TANC2: variants seen among roughly 807,000 people sequenced by gnomAD.
TANC2 encodes protein TANC2.
A neutral mutation model predicts 210.5 loss-of-function variants in TANC2; 26 were observed. The observed-to-expected ratio is 0.12, with a 90% CI of 0.09 to 0.17. TANC2 has a LOEUF of 0.17. Among genes scored for constraint, TANC2 ranks in the 10% least tolerant of loss-of-function variants. The probability of loss-of-function intolerance (pLI) is 1.00; values close to 1 mark genes in which losing one functional copy is unlikely to be tolerated. For synonymous variants in TANC2, 931 were observed against 967.1 expected (o/e 0.96, Z 0.69); for missense variants, 2,129 against 2,608.9 (o/e 0.82, Z 4.01).
At chr17:63,403,481 T>A (rs1432001885) in intron 19 of TANC2, among the ~76,000 whole-genome samples, 1 of 152,188 alleles carries the variant, frequency 6.6e-6, no homozygotes, top group African/African-American at 2.4e-5. Flanking sequence ...CAATTTGTTT[T>A]CTAACCTTTT....
At chr17:62,977,477 C>T (rs2032071796) in intron 1 of TANC2, among the ~76,000 whole-genome samples, 1 of 152,136 alleles carries the variant, frequency 6.6e-6, no homozygotes, top group Admixed American at 6.5e-5. Flanking sequence ...TTTAAAATAA[C>T]TTCATATAAT....
At chr17:63,151,770 A>G (rs958790511) in intron 5 of TANC2, 1 of 152,180 alleles carries the variant, frequency 6.6e-6, no homozygotes, top group African/African-American at 2.4e-5. Context: ...GTTCTATGCA[A>G]CACTTTTGCA....
chr17:63,420,637 G>A lies in TANC2; in HGVS notation c.4907G>A (p.Ser1636Asn). 6.2e-7 allele frequency: 1 copy of A among 1,613,922 alleles called. No individual in the cohort carries two copies. The highest frequency in any genetic ancestry group is 8.5e-7 in the Non-Finnish European group (1 of 1,179,860). ...GCCAGCCCTCCAGCTGAAAGTATGA[G>A]TGTCTATAGATCCCAGTCTGGTTCA... is the stretch of plus-strand genomic sequence containing the variant. The change falls in exon 28 of 28, where the codon AGT (serine) becomes AAT (asparagine). Residue 1636 changes from serine (S) to asparagine (N), a missense_variant. Ser to Asn is a conservative substitution (Grantham distance 46). Around this residue, in one of 5 missense-constraint regions of TANC2, gnomAD observed 584 missense variants for 627.3 expected, o/e 0.93. Coordinates refer to ENST00000689528, the Ensembl canonical transcript of TANC2. The surrounding 1 kb of genome is among the most constrained non-coding windows in gnomAD (Gnocchi z 4.2).
At chr17:63,374,640 A>G (rs1390642977) in intron 14 of TANC2, among the ~76,000 whole-genome samples, 1 of 152,190 alleles carries the variant, frequency 6.6e-6, no homozygotes, top group Non-Finnish European at 1.5e-5. Context: ...TGATGAACTA[A>G]ACAGGAAAGA....
chr17:63,277,830 A>T (rs865960068), intron 9 of TANC2, among the ~76,000 whole-genome samples: 1 of 152,028 alleles, frequency 6.6e-6, no homozygotes, highest in Non-Finnish European at 1.5e-5. Context: ...AATTATTTCT[A>T]TGCCAGATGA....
chr17:63,200,896 C>T (rs2041510826), exon 7 of TANC2: 1 of 1,613,708 alleles, frequency 6.2e-7, no homozygotes, highest in African/African-American at 1.3e-5. Context: ...CCAAGGACTG[C>T]AGCTATGGGG....
At chr17:63,353,837 A>G (rs2046697728) in intron 13 of TANC2, among the ~76,000 whole-genome samples, 1 of 152,142 alleles carries the variant, frequency 6.6e-6, no homozygotes, top group Non-Finnish European at 1.5e-5. Context: ...GTTGAGGAAG[A>G]TGAGAACTGG....
At chr17:62,991,396 TG>T (rs775261302) in intron 1 of TANC2, among the ~76,000 whole-genome samples, 2 of 151,986 alleles carry the variant, frequency 1.3e-5, no homozygotes, top group Non-Finnish European at 2.9e-5. Context: ...CCCAGCACTT[TG>T]GGAGGCCAAG....
chr17:63,367,912 C>A (rs2047156494), intron 14 of TANC2, among the ~76,000 whole-genome samples: 1 of 152,160 alleles, frequency 6.6e-6, no homozygotes, highest in Admixed American at 6.5e-5. Flanking sequence ...AAACAAAGAT[C>A]TGATAACTCT....
chr17:63,133,034 C>T (rs1403873145), intron 4 of TANC2, among the ~76,000 whole-genome samples: 9 of 152,116 alleles, frequency 5.9e-5, no homozygotes, highest in African/African-American at 1.4e-4. Context: ...AGGGCAGTGG[C>T]GCAATCTCGG....
At chr17:63,122,797 T>C (rs1183625784) in intron 4 of TANC2, among the ~76,000 whole-genome samples, 1 of 152,188 alleles carries the variant, frequency 6.6e-6, no homozygotes, top group Non-Finnish European at 1.5e-5. Context: ...CCCAGATAAA[T>C]TATACTTTGC....
intron 11 of TANC2, among the ~76,000 whole-genome samples, chr17:63,335,947 T>A (rs114017247): frequency 6.6e-6 from 1 of 151,136 alleles, no homozygotes; most frequent in African/African-American, 2.4e-5. Flanking sequence ...AATTAAAAAA[T>A]AAATAAAAGT....
At chr17:63,226,540 C>T (rs1598647250) in intron 7 of TANC2, among the ~76,000 whole-genome samples, 1 of 152,064 alleles carries the variant, frequency 6.6e-6, no homozygotes, top group African/African-American at 2.4e-5. Context: ...ACATTTATAC[C>T]ACGGAGATCA....
intron 5 of TANC2, among the ~76,000 whole-genome samples, chr17:63,180,196 G>A (rs2040732985): frequency 6.6e-6 from 1 of 152,136 alleles, no homozygotes; most frequent in Admixed American, 6.6e-5. Flanking sequence ...TCCACTTTAA[G>A]TTGTTAGCTG....
At chr17:63,112,498 G>C (rs1031454245) in intron 4 of TANC2, among the ~76,000 whole-genome samples, 2 of 152,142 alleles carry the variant, frequency 1.3e-5, no homozygotes, top group Admixed American at 6.5e-5. Flanking sequence ...AATGTGGCAG[G>C]GTTAAGGCTC....
chr17:63,383,824 C>T (rs893436584), intron 15 of TANC2, among the ~76,000 whole-genome samples: 4 of 152,102 alleles, frequency 2.6e-5, no homozygotes, highest in African/African-American at 4.8e-5. Context: ...GCATTCCCAC[C>T]GGCAGCGACT....
chr17:63,084,876 G>A (rs1262728389), intron 3 of TANC2, among the ~76,000 whole-genome samples: 1 of 152,074 alleles, frequency 6.6e-6, no homozygotes, highest in Non-Finnish European at 1.5e-5. Flanking sequence ...GTTTGTTAAG[G>A]TGTACTTTAT....
chr17:63,127,198 C>T (rs1272814812), intron 4 of TANC2, among the ~76,000 whole-genome samples: 1 of 152,204 alleles, frequency 6.6e-6, no homozygotes, highest in Non-Finnish European at 1.5e-5. Flanking sequence ...TTCTACCCTT[C>T]TCCATTCTGG....
chr17:63,049,577 A>G (rs1289729413), intron 2 of TANC2, among the ~76,000 whole-genome samples: 1 of 152,218 alleles, frequency 6.6e-6, no homozygotes, highest in African/African-American at 2.4e-5. Flanking sequence ...TCAGAGAGCA[A>G]GAGTGGTAGG....
Sources: gnomAD v4.1 joint callset for allele counts (sites outside exome capture counted in the v4.1 genomes callset) on GRCh38, gnomAD v4.1.1 for gene constraint, gnomAD v4.1.1 regional missense constraint, Gnocchi (gnomAD v3.1) non-coding constraint, MANE v1.5 for transcripts, NCBI Gene and HGNC (gene_info 2026-07-23, HGNC 2026-07-21) for gene names.